The following RBM34 variants were observed in gnomAD, a reference collection of about 807,000 sequenced individuals.
RBM34 encodes the protein RNA-binding protein 34.
In RBM34, 39 loss-of-function variants were observed where a neutral mutation model predicts 44.6. The ratio of observed to expected loss-of-function variants is 0.87; its 90% confidence interval spans 0.68 to 1.14. RBM34 has a LOEUF of 1.14. Among genes scored for constraint, RBM34 ranks in the 50% most tolerant of loss-of-function variants. The pLI, the probability that RBM34 is intolerant of heterozygous loss-of-function variation, is 0.00. For missense variants in RBM34, 572 were observed against 517.9 expected (o/e 1.10, Z -1.01); for synonymous variants, 194 against 184.0 (o/e 1.05, Z -0.44).
At chr1:235,137,581 TG>T (rs1245274983) in intron 8 of RBM34, among the ~76,000 whole-genome samples, 1 of 151,558 alleles carries the variant, frequency 6.6e-6, no homozygotes, top group East Asian at 1.9e-4. Flanking sequence ...CTTGCTACAT[TG>T]CTCAGGCTGC....
chr1:235,137,968 G>T, intron 7 of RBM34, 28 bp from the exon 8 acceptor site: 2 of 1,583,370 alleles, frequency 1.3e-6, no homozygotes, highest in South Asian at 1.1e-5. Context: ...AGGGAAAATG[G>T]TTGTTAAAAA....
At chr1:235,154,064 G>C (rs1662288538) in intron 4 of RBM34, among the ~76,000 whole-genome samples, 2 of 152,074 alleles carry the variant, frequency 1.3e-5, no homozygotes, top group Non-Finnish European at 2.9e-5. Flanking sequence ...GGCTAGCACA[G>C]TGAAACCCCG....
In RBM34 at chr1:235,138,075, T is replaced by C; in HGVS notation, c.785+16A>G. On this transcript the variant is annotated intron_variant, in intron 7 of 10. Coordinates refer to ENST00000408888, the MANE Select transcript of RBM34 (RefSeq NM_015014.4). ...ATAGGACAATTATTCTGTTCAAACC[T>C]AAGGGATAAAATTACCTTTTCAATG... is the stretch of plus-strand genomic sequence containing the variant. 6.3e-7 allele frequency: 1 copy of C among 1,591,202 alleles called. No individual in the cohort carries two copies. The highest frequency in any genetic ancestry group is 8.6e-7 in the Non-Finnish European group (1 of 1,164,190).
At chr1:235,148,573 C>A in intron 5 of RBM34, 126 bp from the exon 6 acceptor site, 2 of 621,492 alleles carry the variant, frequency 3.2e-6, no homozygotes, top group Non-Finnish European at 4.9e-6. Flanking sequence ...GGGAAATAAA[C>A]AAATCAGAAA....
In RBM34 at chr1:235,136,038, AG is replaced by A; in HGVS notation, c.884del (p.Pro295LeufsTer22). ...ACTTTGTTTAAACAAACTTACTATAAGGGAGATTCCCCACAAAAACCGATCT... is the reference window on the plus strand; with the variant it reads ...ACTTTGTTTAAACAAACTTACTATAAGGAGATTCCCCACAAAAACCGATCT... ...DKRSVFVGNL[P>X]YKVEESAIEK... On this transcript the variant is annotated frameshift_variant, in exon 9 of 11. Coordinates refer to ENST00000408888, the MANE Select transcript of RBM34 (RefSeq NM_015014.4). LOFTEE classifies it high-confidence loss of function. The A allele has an allele frequency of 6.3e-7, 1 of 1,588,688 alleles. No homozygotes were observed. The highest frequency in any genetic ancestry group is 8.6e-7 in the Non-Finnish European group (1 of 1,159,694).
chr1:235,136,704 C>T (rs1215164373), intron 8 of RBM34, among the ~76,000 whole-genome samples: 1 of 152,180 alleles, frequency 6.6e-6, no homozygotes, highest in Admixed American at 6.5e-5. Context: ...TTTGTCAAGT[C>T]CAAATCTGGT....
chr1:235,135,826 T>C, intron 9 of RBM34, 56 bp from the exon 10 acceptor site: 2 of 1,471,060 alleles, frequency 1.4e-6, no homozygotes, highest in Non-Finnish European at 1.9e-6. Context: ...CTCAGAAACA[T>C]GGAGTTGTTT....
At chr1:235,136,115 A>C (rs1383236946) in intron 8 of RBM34, 42 bp from the exon 9 acceptor site, 3 of 1,520,532 alleles carry the variant, frequency 2.0e-6, no homozygotes, top group Non-Finnish European at 1.8e-6. Context: ...TCACTAGACC[A>C]GAAAATGGAA....
chr1:235,136,656 G>A (rs1051450540), intron 8 of RBM34, among the ~76,000 whole-genome samples: 2 of 152,214 alleles, frequency 1.3e-5, no homozygotes, highest in African/African-American at 4.8e-5. Flanking sequence ...TTCTGTGGGT[G>A]AACTGTTATA....
chr1:235,137,778 C>G, intron 8 of RBM34, 99 bp downstream of exon 8: 1 of 914,494 alleles, frequency 1.1e-6, no homozygotes, highest in Non-Finnish European at 1.7e-6. Context: ...CTGCGCTTCC[C>G]TCACATTGCT....
At chr1:235,140,892 T>C (rs995664524) in intron 6 of RBM34, among the ~76,000 whole-genome samples, 1 of 152,054 alleles carries the variant, frequency 6.6e-6, no homozygotes, top group Non-Finnish European at 1.5e-5. Context: ...TGGTGGGACC[T>C]TGGAGAACTT....
chr1:235,135,879 T>C, intron 9 of RBM34, 109 bp from the exon 10 acceptor site: 1 of 1,244,308 alleles, frequency 8.0e-7, no homozygotes, highest in Non-Finnish European at 1.2e-6. Context: ...AAATAAGCCA[T>C]TATATTGCAC....
intron 5 of RBM34, 52 bp downstream of exon 5, chr1:235,152,651 ATTT>A: frequency 6.3e-7 from 1 of 1,580,186 alleles, no homozygotes; most frequent in Non-Finnish European, 8.6e-7. Context: ...AGTTCATCTG[ATTT>A]AAATGCAATA....
At position 235,160,756 on chromosome 1, in the gene RBM34, TAAGA is replaced by T. The variant is rs2102870559; in HGVS notation, c.229-113_229-110del. 3 of 1,510,922 alleles carry T rather than the reference TAAGA, an allele frequency of 2.0e-6. No individual in the cohort carries two copies. In the South Asian group the frequency reaches 3.7e-5, roughly 19 times the overall value. The allele number at this position is 1,510,922 out of a possible 1,614,324, so 93.6% of individuals were successfully genotyped here. ...GAATCTCTTCTCTCTCACTGGTATG[TAAGA>T]GTCATGAAAGGTTACTTAAAATGAA... On this transcript the variant is annotated intron_variant, in intron 2 of 10. Coordinates refer to ENST00000408888, the MANE Select transcript of RBM34 (RefSeq NM_015014.4).
chr1:235,151,133 A>G (rs1054633022), intron 5 of RBM34, among the ~76,000 whole-genome samples: 1 of 152,188 alleles, frequency 6.6e-6, no homozygotes, highest in African/African-American at 2.4e-5. Context: ...TAGGACAAGG[A>G]AAAAAGAAAG....
chr1:235,155,405 A>T (rs1276400393), intron 3 of RBM34, among the ~76,000 whole-genome samples: 1 of 151,806 alleles, frequency 6.6e-6, no homozygotes, highest in East Asian at 1.9e-4. Flanking sequence ...GTAGCAGCGT[A>T]ATCACAGCTC....
At chr1:235,135,049 G>GC (rs1553272532) in intron 10 of RBM34, among the ~76,000 whole-genome samples, 1 of 122,266 alleles carries the variant, frequency 8.2e-6, no homozygotes, top group Non-Finnish European at 1.8e-5. Flanking sequence ...TGGCCGGTTT[G>GC]TTTTTTTTTT....
At chr1:235,147,286 A>T (rs1572156400) in intron 6 of RBM34, among the ~76,000 whole-genome samples, 1 of 152,310 alleles carries the variant, frequency 6.6e-6, no homozygotes, top group South Asian at 2.1e-4. Context: ...GGGCTGGAGG[A>T]GAAGCTGACG....
Position 235,131,680 on chromosome 1 carries a change from C to T in RBM34, c.*33G>A. The T allele has an allele frequency of 6.4e-7, 1 of 1,564,234 alleles. No homozygotes were observed. The highest frequency in any genetic ancestry group is 8.6e-7 in the Non-Finnish European group (1 of 1,160,398). On this transcript the variant is annotated 3_prime_UTR_variant, in exon 11 of 11. Transcript: ENST00000408888. Reference sequence around the variant, plus strand: ...GATAATAGCACTTTTATTAGCAGTACTCAGCAGGAAAAGAAAAAGCAGTTC... The same window carrying T: ...GATAATAGCACTTTTATTAGCAGTATTCAGCAGGAAAAGAAAAAGCAGTTC...
Sources: allele counts gnomAD v4.1 joint callset (sites outside exome capture counted in the v4.1 genomes callset), GRCh38; gene constraint gnomAD v4.1.1; transcripts MANE v1.5; gene names NCBI Gene and HGNC (gene_info 2026-07-23, HGNC 2026-07-21).